The following TNR variants were observed in gnomAD, a reference collection of about 807,000 sequenced individuals.
TNR encodes tenascin-R.
TNR carries 45 observed loss-of-function variants against 150.4 expected under a neutral mutation model. The ratio of observed to expected loss-of-function variants is 0.30; its 90% confidence interval spans 0.24 to 0.38. The LOEUF (loss-of-function observed/expected upper bound fraction) is 0.38, where lower values mean the gene tolerates loss of function less well. TNR is among the 10% of genes least tolerant of loss of function. The pLI, the probability that TNR is intolerant of heterozygous loss-of-function variation, is 1.00. For missense variants in TNR, 1,544 were observed against 1,759.1 expected (o/e 0.88, Z 2.19); for synonymous variants, 687 against 678.4 (o/e 1.01, Z -0.20).
At chr1:175,450,310 A>G (rs1656244560) in intron 2 of TNR, among the ~76,000 whole-genome samples, 1 of 152,188 alleles carries the variant, frequency 6.6e-6, no homozygotes, top group African/African-American at 2.4e-5. Context: ...CTCCCCTCAG[A>G]ACCTCACCCC....
At chr1:175,616,841 C>T (rs1478213271) in intron 1 of TNR, among the ~76,000 whole-genome samples, 1 of 152,154 alleles carries the variant, frequency 6.6e-6, no homozygotes, top group Non-Finnish European at 1.5e-5. Context: ...AGCTTTGCCA[C>T]CAACTCCCTG....
At chr1:175,442,387 G>A (rs756302789) in intron 2 of TNR, among the ~76,000 whole-genome samples, 1 of 152,112 alleles carries the variant, frequency 6.6e-6, no homozygotes, top group Middle Eastern at 3.4e-3. Flanking sequence ...TGGAAGTGAA[G>A]TGGTCCTAGG....
chr1:175,324,867 G>A lies in TNR; in HGVS notation c.3794-348C>T, dbSNP rs7550975. ...CTCATGGTTCCTCCTGTCTTCAGAG[G>A]AGATGGTGATGAGCCAGGCAGACTT... On this transcript the variant is annotated intron_variant, in intron 21 of 22. Transcript: ENST00000367674. Among the ~76,000 whole-genome samples, 1,089 of 152,214 alleles carry A rather than the reference G, an allele frequency of 7.2e-3. 15 individuals are homozygous for A. The highest frequency in any genetic ancestry group is 0.024 in the African/African-American group (1,010 of 41,516).
At chr1:175,593,554 A>ATT (rs760040072) in intron 1 of TNR, among the ~76,000 whole-genome samples, 3 of 152,144 alleles carry the variant, frequency 2.0e-5, no homozygotes, top group Non-Finnish European at 2.9e-5. Context: ...AGGTTTTAGG[A>ATT]GTCATAAGTT....
At chr1:175,374,099 G>T (rs1652255487) in intron 9 of TNR, among the ~76,000 whole-genome samples, 1 of 152,198 alleles carries the variant, frequency 6.6e-6, no homozygotes, top group South Asian at 2.1e-4. Context: ...TGAAGGTCTG[G>T]TGCTGGGTTT....
At chr1:175,389,126 T>C (rs766225253) in intron 7 of TNR, among the ~76,000 whole-genome samples, 3 of 152,206 alleles carry the variant, frequency 2.0e-5, no homozygotes, top group Non-Finnish European at 4.4e-5. Context: ...GTTGGGCTCA[T>C]CACAGACACT....
At chr1:175,331,055 T>TTCTTTCCTTC (rs1557867702) in intron 20 of TNR, among the ~76,000 whole-genome samples, 33 of 117,246 alleles carry the variant, frequency 2.8e-4, no homozygotes, top group Admixed American at 1.9e-3. Flanking sequence ...CTTTCTTTCT[T>TTCTTTCCTTC]TCTTTCTTTC....
At chr1:175,554,197 T>C (rs1020897988) in intron 1 of TNR, among the ~76,000 whole-genome samples, 1 of 152,182 alleles carries the variant, frequency 6.6e-6, no homozygotes, top group Non-Finnish European at 1.5e-5. Context: ...TCTAATGCTG[T>C]AGGCTGAGCC....
rs147251597 is a variant in TNR at position 175,654,750 on chromosome 1, G to A, written c.-165+88476C>T. 7.8e-3 allele frequency among the ~76,000 whole-genome samples: 1,001 copies of A among 127,554 alleles called. 20 individuals carry two copies. The highest frequency in any genetic ancestry group is 0.028 in the African/African-American group (944 of 33,360). The allele number at this position is 127,554 out of a possible 152,430, so 83.7% of individuals were successfully genotyped here. A position where few individuals can be genotyped will look rare whatever the true frequency, so the allele number is the denominator to read the frequency against. On this transcript the variant is annotated intron_variant, in intron 1 of 22. Coordinates refer to ENST00000367674, the MANE Select transcript of TNR (RefSeq NM_003285.3). ...TTTTTTTTTTTTTTTTTTTGGAGAC[G>A]GAGTCTCGCTCTGCCGCCCAGGCAG... is the stretch of plus-strand genomic sequence containing the variant.
At chr1:175,369,716 C>G (rs1178743068) in intron 9 of TNR, among the ~76,000 whole-genome samples, 3 of 152,150 alleles carry the variant, frequency 2.0e-5, no homozygotes, top group Non-Finnish European at 4.4e-5. Context: ...AGGAATGGGA[C>G]ATCCTATTAC....
intron 1 of TNR, among the ~76,000 whole-genome samples, chr1:175,667,996 C>A (rs1376819287): frequency 6.6e-6 from 1 of 152,172 alleles, no homozygotes; most frequent in Non-Finnish European, 1.5e-5. Flanking sequence ...GTTAGAAATG[C>A]AGAATCTCAG....
At chr1:175,728,022 A>G (rs1667526486) in intron 1 of TNR, among the ~76,000 whole-genome samples, 2 of 152,262 alleles carry the variant, frequency 1.3e-5, no homozygotes, top group Non-Finnish European at 2.9e-5. Context: ...AGTCAGCACA[A>G]CTATCTATTT....
chr1:175,338,753 C>T (rs1266545120), intron 18 of TNR, among the ~76,000 whole-genome samples: 2 of 152,142 alleles, frequency 1.3e-5, no homozygotes, highest in African/African-American at 4.8e-5. Context: ...AGTGACAGCA[C>T]CTACCCAAGG....
chr1:175,738,655 G>C (rs540918595), intron 1 of TNR, among the ~76,000 whole-genome samples: 1 of 152,228 alleles, frequency 6.6e-6, no homozygotes, highest in East Asian at 1.9e-4. Context: ...TAAAAAGGAG[G>C]GAAAGAGAAA....
At chr1:175,347,246 A>G (rs1455283631) in intron 18 of TNR, among the ~76,000 whole-genome samples, 4 of 152,294 alleles carry the variant, frequency 2.6e-5, no homozygotes, top group Admixed American at 1.3e-4. Flanking sequence ...ACCATTTGAT[A>G]AAGTTTAACA....
In TNR at chr1:175,365,127, C is replaced by T. The variant is rs1651773016; in HGVS notation, c.2470G>A (p.Ala824Thr). ...EEEMMEVSLDATKRHAVLMGL... is the reference protein window; with the variant it reads ...EEEMMEVSLDTTKRHAVLMGL... ...ATCAGGACAGCATGCCTCTTGGTGG[C>T]ATCCAGGGAGACCTCCATCATCTCT... Residue 824 changes from alanine (A) to threonine (T), a missense_variant, in exon 12 of 23, where the codon GCC (alanine) becomes ACC (threonine). Physicochemically the swap from Ala to Thr is moderately conservative, Grantham distance 58. Around this residue, in one of 2 missense-constraint regions of TNR, gnomAD observed 1,254 missense variants for 1,329.4 expected, o/e 0.94. Coordinates refer to ENST00000367674, the MANE Select transcript of TNR (RefSeq NM_003285.3). The T allele has an allele frequency of 6.2e-7, 1 of 1,614,120 alleles. No homozygotes were observed. Among genetic ancestry groups the T allele is most frequent in the African/African-American group, 1.3e-5 (1 of 75,024 alleles).
intron 1 of TNR, among the ~76,000 whole-genome samples, chr1:175,738,102 C>G (rs1667825062): frequency 6.6e-6 from 1 of 152,108 alleles, no homozygotes; most frequent in African/African-American, 2.4e-5. Context: ...CCCCAAGTAT[C>G]CTCCTCCGTT....
At chr1:175,488,871 G>A (rs1658124304) in intron 2 of TNR, among the ~76,000 whole-genome samples, 1 of 152,226 alleles carries the variant, frequency 6.6e-6, no homozygotes, top group African/African-American at 2.4e-5. Context: ...GAGGAAGGGT[G>A]CCTGCACTTT....
At chr1:175,713,851 C>T (rs1667085405) in intron 1 of TNR, among the ~76,000 whole-genome samples, 1 of 152,344 alleles carries the variant, frequency 6.6e-6, no homozygotes, top group East Asian at 1.9e-4. Flanking sequence ...TTCTTTCACA[C>T]TTCACATTAG....
Sources: allele counts gnomAD v4.1 joint callset (sites outside exome capture counted in the v4.1 genomes callset), GRCh38; gene constraint gnomAD v4.1.1; regional missense constraint gnomAD v4.1.1; transcripts MANE v1.5; gene names NCBI Gene and HGNC (gene_info 2026-07-23, HGNC 2026-07-21).